The following PCDHGA12 variants were observed in gnomAD, a reference collection of about 807,000 sequenced individuals.
PCDHGA12 encodes the protein protocadherin gamma-A12.
PCDHGA12 carries 43 observed loss-of-function variants against 61.1 expected under a neutral mutation model. The observed-to-expected ratio is 0.70, with a 90% CI of 0.55 to 0.91. The LOEUF (loss-of-function observed/expected upper bound fraction) is 0.91. Among genes scored for constraint, PCDHGA12 ranks in the 40% least tolerant of loss-of-function variants. The pLI, the probability that PCDHGA12 is intolerant of heterozygous loss-of-function variation, is 0.00. For missense variants in PCDHGA12, 1,236 were observed against 1,227.7 expected (o/e 1.01, Z -0.10); for synonymous variants, 520 against 542.9 (o/e 0.96, Z 0.59).
chr5:141,431,670 T>C lies in PCDHGA12; in HGVS notation c.911T>C (p.Ile304Thr), dbSNP rs767342240. 1 of 1,614,070 alleles carries C rather than the reference T, an allele frequency of 6.2e-7. No homozygotes were observed. The highest frequency in any genetic ancestry group is 8.5e-7 in the Non-Finnish European group (1 of 1,180,026). The change falls in exon 1 of 4, where the codon ATA (isoleucine) becomes ACA (threonine). Residue 304 changes from isoleucine to threonine, a missense_variant. By Grantham distance (89) the Ile-to-Thr change is moderately conservative. Coordinates refer to ENST00000252085, the MANE Select transcript of PCDHGA12 (RefSeq NM_003735.3). This position sits in a 1 kb window ranked among gnomAD's most constrained non-coding sequence, Gnocchi z 4.8. ...TGTAATTCAGGGACAATATCAACAATAGGGGAGTTGGACCACGAGGAGTCA... is the reference window on the plus strand; with the variant it reads ...TGTAATTCAGGGACAATATCAACAACAGGGGAGTTGGACCACGAGGAGTCA... ...LDCNSGTIST[I>T]GELDHEESGF...
Position 141,491,963 on chromosome 5 carries a change from C to A in PCDHGA12, c.2425-2844C>A. ...CCCCCACCCCTACACTCAAAAAAGG[C>A]CGGGGCCTCCTTCGAGCTTCCGGTG... On this transcript the variant is annotated intron_variant, in intron 1 of 3. Coordinates refer to ENST00000252085, the MANE Select transcript of PCDHGA12 (RefSeq NM_003735.3). This position sits in a 1 kb window ranked among gnomAD's most constrained non-coding sequence, Gnocchi z 6.9. 2 of 944,828 alleles carry A rather than the reference C, an allele frequency of 2.1e-6. No homozygotes were observed. Among genetic ancestry groups the A allele is most frequent in the Non-Finnish European group, 3.0e-6 (2 of 670,874 alleles). 58.5% of individuals were successfully genotyped at this position (944,828 alleles called of 1,614,324 possible).
chr5:141,436,635 A>G (rs953396225), intron 1 of PCDHGA12, among the ~76,000 whole-genome samples: 8 of 152,184 alleles, frequency 5.3e-5, no homozygotes, highest in African/African-American at 1.9e-4. Context: ...ACAACATGCA[A>G]TTAATTAACA....
Position 141,476,990 on chromosome 5 carries a change from C to T in PCDHGA12, c.2425-17817C>T, listed in dbSNP as rs2099402882. ...CGGCAGCCACAACCGCGCCGGCGTGCGGCAACTATTCGCCTTAGACCTTGT... is the reference window on the plus strand; with the variant it reads ...CGGCAGCCACAACCGCGCCGGCGTGTGGCAACTATTCGCCTTAGACCTTGT... On this transcript the variant is annotated intron_variant, in intron 1 of 3. Coordinates refer to ENST00000252085, the MANE Select transcript of PCDHGA12 (RefSeq NM_003735.3). The surrounding 1 kb of genome is among the most constrained non-coding windows in gnomAD (Gnocchi z 7.6). 6.2e-7 allele frequency: 1 copy of T among 1,614,220 alleles called. No individual in the cohort carries two copies. The highest frequency in any genetic ancestry group is 8.5e-7 in the Non-Finnish European group (1 of 1,180,046).
rs753872678 is a variant in PCDHGA12, at chr5:141,431,407, C to G, written c.648C>G (p.Asp216Glu). 4 of 1,613,716 alleles carry G rather than the reference C, an allele frequency of 2.5e-6. No individual in the cohort carries two copies. Among genetic ancestry groups the G allele is most frequent in the Non-Finnish European group, 3.4e-6 (4 of 1,180,048 alleles). The stretch of plus-strand genomic sequence containing the variant: ...ACCACCTGGTCCTTACGGCCTCCGA[C>G]GGGGGCGACCCGGTGCGCACAGGCA... ...AAHHLVLTAS[D>E]GGDPVRTGTA... The change falls in exon 1 of 4, where the codon GAC becomes GAG. Residue 216 changes from aspartate (D) to glutamate (E), a missense_variant. By Grantham distance (45) the Asp-to-Glu change is conservative (BLOSUM62 2). Coordinates refer to ENST00000252085, the MANE Select transcript of PCDHGA12 (RefSeq NM_003735.3). This position sits in a 1 kb window ranked among gnomAD's most constrained non-coding sequence, Gnocchi z 4.8.
chr5:141,476,336 C>G lies in PCDHGA12; in HGVS notation c.2425-18471C>G, dbSNP rs1228900349. The G allele has an allele frequency of 2.5e-6, 4 of 1,614,008 alleles. No individual in the cohort carries two copies. The highest frequency in any genetic ancestry group is 2.2e-5 in the East Asian group (1 of 44,854). ...GTTCCGGGTGGTGTCTGGAGCTAGC[C>G]GAAGATTCTTTGAGGTGAACCGGGA... On this transcript the variant is annotated intron_variant, in intron 1 of 3. Coordinates refer to ENST00000252085, the MANE Select transcript of PCDHGA12 (RefSeq NM_003735.3). The surrounding 1 kb of genome is among the most constrained non-coding windows in gnomAD (Gnocchi z 7.6).
rs779317191 is a variant in PCDHGA12, at chr5:141,432,553, C to G, written c.1794C>G (p.Ser598=). The G allele has an allele frequency of 2.6e-5, 42 of 1,613,748 alleles. No individual in the cohort carries two copies. The highest frequency in any genetic ancestry group is 2.0e-4 in the South Asian group (18 of 91,068). The stretch of plus-strand genomic sequence containing the variant: ...AGGTGGTGGCGGTGGACAGAGACTC[C>G]GGCCAGAACGCCTGGCTGTCCTACC... ...VTKVVAVDRD[S]GQNAWLSYRL... is the part of the protein sequence containing the mutation. The change falls in exon 1 of 4, where the codon TCC becomes TCG. Residue 598 remains serine, a synonymous_variant. Coordinates refer to ENST00000252085, the MANE Select transcript of PCDHGA12 (RefSeq NM_003735.3). The surrounding 1 kb of genome is among the most constrained non-coding windows in gnomAD (Gnocchi z 6.0).
At chr5:141,499,184 A>G (rs2099789986) in intron 2 of PCDHGA12, among the ~76,000 whole-genome samples, 1 of 151,726 alleles carries the variant, frequency 6.6e-6, no homozygotes, top group African/African-American at 2.4e-5. Context: ...CCAGCAAACC[A>G]TTTCCCCCTT....
Position 141,433,024 on chromosome 5 carries a change from C to A in PCDHGA12, c.2265C>A (p.His755Gln). The A allele has an allele frequency of 6.2e-7, 1 of 1,614,168 alleles. No individual in the cohort carries two copies. The highest frequency in any genetic ancestry group is 1.3e-5 in the African/African-American group (1 of 75,056). Residue 755 changes from histidine (H) to glutamine (Q), a missense_variant, in exon 1 of 4, where the codon CAC (histidine) becomes CAA (glutamine). His to Gln is a conservative substitution (Grantham distance 24, BLOSUM62 0). Transcript: ENST00000252085. ...GVQAFLQTYSHEVSLTTDSRK... is the reference protein window; with the variant it reads ...GVQAFLQTYSQEVSLTTDSRK... ...AGGCTTTCCTGCAGACCTATTCCCA[C>A]GAGGTTTCCCTCACCACGGACTCGC... is the stretch of plus-strand genomic sequence containing the variant.
At chr5:141,457,116 C>T (rs933634563) in intron 1 of PCDHGA12, among the ~76,000 whole-genome samples, 5 of 152,176 alleles carry the variant, frequency 3.3e-5, no homozygotes, top group Non-Finnish European at 7.3e-5. Flanking sequence ...AATACGACAG[C>T]AATGGAAACT....
At position 141,489,425 on chromosome 5, in the gene PCDHGA12, G is replaced by C. The variant is rs779739693; in HGVS notation, c.2425-5382G>C. On this transcript the variant is annotated intron_variant, in intron 1 of 3. Transcript: ENST00000252085. This position sits in a 1 kb window ranked among gnomAD's most constrained non-coding sequence, Gnocchi z 4.5. ...TTAAAGATGACAGATCTGTTGAGCC[G>C]GCGGCTGCAATTGGGCTCTGAGGAG... The C allele has an allele frequency of 4.3e-6, 7 of 1,614,118 alleles. No individual in the cohort carries two copies. The highest frequency in any genetic ancestry group is 1.1e-5 in the South Asian group (1 of 91,070).
chr5:141,486,728 G>T lies in PCDHGA12; in HGVS notation c.2425-8079G>T. On this transcript the variant is annotated intron_variant, in intron 1 of 3. Coordinates refer to ENST00000252085, the MANE Select transcript of PCDHGA12 (RefSeq NM_003735.3). This position sits in a 1 kb window ranked among gnomAD's most constrained non-coding sequence, Gnocchi z 5.0. Reference sequence around the variant, plus strand: ...GAACCCCCAGACAGGAGCTGTTCATGCTACTCGATCCTTTGACTATGAGCA... The same window carrying T: ...GAACCCCCAGACAGGAGCTGTTCATTCTACTCGATCCTTTGACTATGAGCA... The T allele has an allele frequency of 6.2e-7, 1 of 1,614,200 alleles. No individual in the cohort carries two copies. The highest frequency in any genetic ancestry group is 8.5e-7 in the Non-Finnish European group (1 of 1,180,052).
chr5:141,452,148 T>C (rs1294195346), intron 1 of PCDHGA12, among the ~76,000 whole-genome samples: 1 of 152,228 alleles, frequency 6.6e-6, no homozygotes, highest in Non-Finnish European at 1.5e-5. Flanking sequence ...TTTTTTCCAA[T>C]GAGTTATATT....
Position 141,477,187 on chromosome 5 carries a change from G to A in PCDHGA12, c.2425-17620G>A, listed in dbSNP as rs2154575648. ...CCCCGGAGATCACAGTCACCTCCGT[G>A]TACAGCCCAGTACCCGAGGATGCCC... On this transcript the variant is annotated intron_variant, in intron 1 of 3. Coordinates refer to ENST00000252085, the MANE Select transcript of PCDHGA12 (RefSeq NM_003735.3). The surrounding 1 kb of genome is among the most constrained non-coding windows in gnomAD (Gnocchi z 4.9). The A allele has an allele frequency of 6.2e-7, 1 of 1,614,190 alleles. No individual in the cohort carries two copies. The highest frequency in any genetic ancestry group is 2.2e-5 in the East Asian group (1 of 44,874).
intron 1 of PCDHGA12, among the ~76,000 whole-genome samples, chr5:141,466,670 G>A (rs994949602): frequency 9.2e-5 from 14 of 152,046 alleles, no homozygotes; most frequent in African/African-American, 2.2e-4. Flanking sequence ...TGATTTCACC[G>A]TTCTTCCACT....
intron 1 of PCDHGA12, among the ~76,000 whole-genome samples, chr5:141,451,630 C>T (rs899343801): frequency 2.0e-5 from 3 of 152,132 alleles, no homozygotes; most frequent in Non-Finnish European, 2.9e-5. Flanking sequence ...ACCTGTAATT[C>T]CAGCACTCTG....
At chr5:141,473,810 G>A (rs549204595) in intron 1 of PCDHGA12, among the ~76,000 whole-genome samples, 1 of 152,334 alleles carries the variant, frequency 6.6e-6, no homozygotes, top group South Asian at 2.1e-4. Flanking sequence ...CTGAGGAGCA[G>A]CTGGACAATT....
In PCDHGA12 at chr5:141,477,891, G is replaced by T. The variant is rs750359063; in HGVS notation, c.2425-16916G>T. 10 of 1,614,066 alleles carry T rather than the reference G, an allele frequency of 6.2e-6. No individual in the cohort carries two copies. The African/African-American group carries it at 1.2e-4, about 19-fold the overall frequency. ...ACCTCAGCTGGCCACCTAGTGTCAC[G>T]GGTGGTAGGCTGGGACGCGGATGCA... is the stretch of plus-strand genomic sequence containing the variant. On this transcript the variant is annotated intron_variant, in intron 1 of 3. Coordinates refer to ENST00000252085, the MANE Select transcript of PCDHGA12 (RefSeq NM_003735.3). This position sits in a 1 kb window ranked among gnomAD's most constrained non-coding sequence, Gnocchi z 4.9.
intron 1 of PCDHGA12, among the ~76,000 whole-genome samples, chr5:141,437,777 C>T (rs998490046): frequency 2.0e-5 from 3 of 148,970 alleles, no homozygotes; most frequent in Admixed American, 6.7e-5. Context: ...CTCAATCTGT[C>T]GCCAAGCTGG....
At chr5:141,503,660 C>A (rs2099827842) in intron 2 of PCDHGA12, among the ~76,000 whole-genome samples, 1 of 150,420 alleles carries the variant, frequency 6.6e-6, no homozygotes, top group Non-Finnish European at 1.5e-5. Flanking sequence ...AACAGAATTA[C>A]AACTCTTCCC....
Sources: allele counts gnomAD v4.1 joint callset (sites outside exome capture counted in the v4.1 genomes callset), GRCh38; gene constraint gnomAD v4.1.1; non-coding constraint Gnocchi (gnomAD v3.1); transcripts MANE v1.5; gene names NCBI Gene and HGNC (gene_info 2026-07-23, HGNC 2026-07-21).